PTBP1: variants seen among roughly 807,000 people sequenced by gnomAD.
PTBP1 encodes the protein polypyrimidine tract binding protein 1.
PTBP1 carries 8 observed loss-of-function variants against 59.8 expected under a neutral mutation model. The ratio of observed to expected loss-of-function variants is 0.13; its 90% CI spans 0.08 to 0.24. The LOEUF is 0.24. PTBP1 is among the 10% of genes least tolerant of loss of function. The pLI, the probability that PTBP1 is intolerant of heterozygous loss-of-function variation, is 1.00. For synonymous variants in PTBP1, 490 were observed against 320.7 expected, an observed-to-expected ratio of 1.53 and a Z score of -5.64; for missense variants, 686 against 767.0, an observed-to-expected ratio of 0.89 and a Z score of 1.25.
rs144400768 is a variant in PTBP1 at position 804,623 on chromosome 19, C to T, written c.527C>T (p.Ala176Val). Residue 176 changes from alanine (A) to valine (V), a missense_variant, in exon 6 of 15, where the codon GCG (alanine) becomes GTG (valine). Transcript: ENST00000356948. ...ASAAAVDAGM[A>V]MAGQSPVLRI... ...GCGGCGGCCGTGGACGCAGGGATGGCGATGGCCGGGCAGAGCCCCGTGCTC... is the reference window on the plus strand; with the variant it reads ...GCGGCGGCCGTGGACGCAGGGATGGTGATGGCCGGGCAGAGCCCCGTGCTC... The T allele has an allele frequency of 9.9e-6, 16 of 1,612,658 alleles. No homozygotes were observed. Among genetic ancestry groups the T allele is most frequent in the African/African-American group, 8.0e-5 (6 of 75,052 alleles).
rs2034900574 is a variant in PTBP1, at chr19:811,961, T to A, written c.*1135T>A. On this transcript the variant is annotated 3_prime_UTR_variant, in exon 15 of 15. Coordinates refer to ENST00000356948, the MANE Select transcript of PTBP1 (RefSeq NM_002819.5). ...TGCTCTTTCTACCGCCCCCGCGTCC[T>A]GTCCCGGGGGCTCTCCTAGGATCCC... 1 of 152,544 alleles carries A rather than the reference T, an allele frequency of 6.6e-6. No individual in the cohort carries two copies. The highest frequency in any genetic ancestry group is 2.4e-5 in the African/African-American group (1 of 41,568). The allele number at this position is 152,544 out of a possible 1,614,324, so 9.4% of individuals were successfully genotyped here. A position where few individuals can be genotyped will look rare whatever the true frequency, so the allele number is the denominator to read the frequency against.
In PTBP1 at chr19:811,837, T is replaced by G. The variant is rs1239726060; in HGVS notation, c.*1011T>G. 1 of 152,390 alleles carries G rather than the reference T, an allele frequency of 6.6e-6. No homozygotes were observed. Among genetic ancestry groups the G allele is most frequent in the Non-Finnish European group, 1.5e-5 (1 of 68,014 alleles). 9.4% of individuals were successfully genotyped at this position (152,390 alleles called of 1,614,324 possible). On this transcript the variant is annotated 3_prime_UTR_variant, in exon 15 of 15. Transcript: ENST00000356948. The stretch of plus-strand genomic sequence containing the variant: ...AAAACTTGCTCTCAAACTTCAGGGT[T>G]TTTTCTTCCTTCAAATTTTGGACCA...
chr19:808,477 G>T lies in PTBP1; in HGVS notation c.1246+25G>T. 6.4e-7 allele frequency: 1 copy of T among 1,573,484 alleles called. No homozygotes were observed. The highest frequency in any genetic ancestry group is 1.3e-5 in the African/African-American group (1 of 74,104). The stretch of plus-strand genomic sequence containing the variant: ...GGTAAGAGGCCGGGGCGGCCCCGGG[G>T]TGGAGGGGGCAGGGGCGGGGGCTGC... On this transcript the variant is annotated intron_variant, in intron 12 of 14. Coordinates refer to ENST00000356948, the MANE Select transcript of PTBP1 (RefSeq NM_002819.5). This position sits in a 1 kb window ranked among gnomAD's most constrained non-coding sequence, Gnocchi z 4.7.
chr19:806,308 G>C (rs947752855), intron 9 of PTBP1, 100 bp from the exon 10 acceptor site: 1 of 1,343,754 alleles, frequency 7.4e-7, no homozygotes, highest in African/African-American at 1.6e-5. Flanking sequence ...CCTCCCGCGC[G>C]GCTCGGCTCC....
intron 2 of PTBP1, among the ~76,000 whole-genome samples, chr19:801,735 A>ATCCTCCCT (rs992002835): frequency 1.3e-5 from 2 of 152,074 alleles, no homozygotes; most frequent in Non-Finnish European, 2.9e-5. Context: ...AGGTGCACCC[A>ATCCTCCCT]TCCTCCCTTC....
chr19:802,717 AC>A (rs1309163719), intron 2 of PTBP1, among the ~76,000 whole-genome samples: 2 of 152,226 alleles, frequency 1.3e-5, no homozygotes, highest in African/African-American at 2.4e-5. Flanking sequence ...GCCGTAACCA[AC>A]GTCTCCTCCA....
At chr19:805,343 G>A in intron 8 of PTBP1, 149 bp from the exon 9 acceptor site, 2 of 1,189,562 alleles carry the variant, frequency 1.7e-6, no homozygotes, top group Non-Finnish European at 2.4e-6. Flanking sequence ...CCCCCACGTC[G>A]GGACCACGGC....
At chr19:803,329 G>C (rs1329783119) in intron 2 of PTBP1, among the ~76,000 whole-genome samples, 1 of 152,232 alleles carries the variant, frequency 6.6e-6, no homozygotes, top group Non-Finnish European at 1.5e-5. Context: ...AGTACCCAGG[G>C]CTTCCAGAAT....
chr19:806,645 G>T (rs528980584), intron 10 of PTBP1, 89 bp downstream of exon 10: 8 of 1,296,020 alleles, frequency 6.2e-6, no homozygotes, highest in African/African-American at 4.7e-5. Flanking sequence ...GAGCAGCGCC[G>T]CCCCTCGCTG....
intron 2 of PTBP1, among the ~76,000 whole-genome samples, chr19:801,955 G>A (rs1166175745): frequency 6.6e-6 from 1 of 152,206 alleles, no homozygotes; most frequent in Non-Finnish European, 1.5e-5. Flanking sequence ...CCTCAGGGCC[G>A]CCGTGACACT....
chr19:806,701 C>G, intron 10 of PTBP1, 145 bp downstream of exon 10: 1 of 674,342 alleles, frequency 1.5e-6, no homozygotes, highest in East Asian at 3.4e-5. Flanking sequence ...AGCGCTGAGA[C>G]CCTCCTTTTC....
intron 1 of PTBP1, among the ~76,000 whole-genome samples, chr19:799,041 T>C (rs894863062): frequency 6.6e-6 from 1 of 152,240 alleles, no homozygotes; most frequent in Admixed American, 6.5e-5. Flanking sequence ...TCCGAGGCGT[T>C]TCCAACTTAC....
chr19:809,987 C>G (rs988689724), intron 13 of PTBP1, among the ~76,000 whole-genome samples: 1 of 152,174 alleles, frequency 6.6e-6, no homozygotes, highest in African/African-American at 2.4e-5. Context: ...TGATATTTAA[C>G]ACGTTACTTG....
intron 10 of PTBP1, chr19:807,269 CTT>C (rs2034626897): frequency 6.5e-6 from 1 of 152,864 alleles, no homozygotes; most frequent in African/African-American, 2.4e-5. Context: ...TAGAGACTGA[CTT>C]GTGCCACAGC....
chr19:800,996 C>T (rs2034307167), intron 2 of PTBP1, among the ~76,000 whole-genome samples: 1 of 152,092 alleles, frequency 6.6e-6, no homozygotes, highest in Non-Finnish European at 1.5e-5. Context: ...GGGTAGTACC[C>T]TGACCCAGAT....
chr19:803,100 C>T (rs541880570), intron 2 of PTBP1, among the ~76,000 whole-genome samples: 13 of 152,270 alleles, frequency 8.5e-5, no homozygotes, highest in African/African-American at 2.9e-4. Flanking sequence ...TGCGAGGCCA[C>T]CAGAAGTGAG....
Position 806,514 on chromosome 19 carries a change from G to A in PTBP1, c.1077G>A (p.Gly359=), listed in dbSNP as rs756888537. ...GGATCGCCATCCCGGGCCTGGCGGGGGCAGGAAATTCTGTATTGCTGGTCA... is the reference window on the plus strand; with the variant it reads ...GGATCGCCATCCCGGGCCTGGCGGGAGCAGGAAATTCTGTATTGCTGGTCA... The part of the protein sequence containing the change: ...AGRIAIPGLA[G]AGNSVLLVSN... Residue 359 remains glycine, a synonymous_variant, in exon 10 of 15, where the codon GGG becomes GGA. Coordinates refer to ENST00000356948, the MANE Select transcript of PTBP1 (RefSeq NM_002819.5). 18 of 1,565,790 alleles carry A rather than the reference G, an allele frequency of 1.1e-5. No homozygotes were observed. Among genetic ancestry groups the A allele is most frequent in the South Asian group, 3.5e-5 (3 of 86,140 alleles).
rs1232414547 is a variant in PTBP1 at position 811,971 on chromosome 19, GC to G, written c.*1146del. ...ACCGCCCCCGCGTCCTGTCCCGGGG[GC>G]TCTCCTAGGATCCCCTTTCCGTAAA... On this transcript the variant is annotated 3_prime_UTR_variant, in exon 15 of 15. Transcript: ENST00000356948. 1.3e-5 allele frequency: 2 copies of G among 152,264 alleles called. No homozygotes were observed. Among genetic ancestry groups the G allele is most frequent in the Non-Finnish European group, 2.9e-5 (2 of 67,952 alleles). 9.4% of individuals were successfully genotyped at this position (152,264 alleles called of 1,614,324 possible).
intron 9 of PTBP1, chr19:805,894 A>G (rs1237716620): frequency 5.2e-6 from 2 of 383,246 alleles, no homozygotes; most frequent in Non-Finnish European, 9.7e-6. Flanking sequence ...GTTGAATTTG[A>G]GTGGCCTGGT....
Sources: allele counts gnomAD v4.1 joint callset (sites outside exome capture counted in the v4.1 genomes callset), GRCh38; gene constraint gnomAD v4.1.1; non-coding constraint Gnocchi (gnomAD v3.1); transcripts MANE v1.5; gene names NCBI Gene and HGNC (gene_info 2026-07-23, HGNC 2026-07-21).